PDE4C: variants seen among roughly 807,000 people sequenced by gnomAD.
PDE4C encodes 3',5'-cyclic-AMP phosphodiesterase 4C.
A neutral mutation model predicts 63.9 loss-of-function variants in PDE4C; 50 were observed. The ratio of observed to expected loss-of-function variants is 0.78; its 90% CI spans 0.62 to 0.99. The LOEUF is 0.99. Among genes scored for constraint, PDE4C ranks in the 50% least tolerant of loss-of-function variants. PDE4C has a pLI of 0.00. For synonymous variants in PDE4C, 377 were observed against 385.1 expected, an observed-to-expected ratio of 0.98 and a Z score of 0.25; for missense variants, 777 against 899.1, an observed-to-expected ratio of 0.86 and a Z score of 1.74.
intron 1 of PDE4C, among the ~76,000 whole-genome samples, chr19:18,223,694 G>C (rs1319316508): frequency 6.6e-6 from 1 of 152,222 alleles, no homozygotes; most frequent in African/African-American, 2.4e-5. Context: ...AGAGCTCTTT[G>C]AGGGGGTTAC....
chr19:18,232,772 GA>G (rs1968876471), intron 1 of PDE4C, among the ~76,000 whole-genome samples: 1 of 152,168 alleles, frequency 6.6e-6, no homozygotes, highest in Non-Finnish European at 1.5e-5. Context: ...AAGCCATGAT[GA>G]CACCAGCACC....
upstream of PDE4C, among the ~76,000 whole-genome samples, chr19:18,249,026 A>T (rs12608869): frequency 8.7e-6 from 1 of 114,546 alleles, no homozygotes; most frequent in Middle Eastern, 4.5e-3. Flanking sequence ...ACTCCATCTT[A>T]TTAAAAAAAA....
Position 18,245,512 on chromosome 19 carries a change from CCATCTGCCGGGGA to C in PDE4C, c.-210+2646_-210+2658del, listed in dbSNP as rs1249831382. 2.0e-5 allele frequency among the ~76,000 whole-genome samples: 3 copies of C among 152,148 alleles called. No homozygotes were observed. In the East Asian group the frequency reaches 5.8e-4, roughly 29 times the overall value. On this transcript the variant is annotated intron_variant, in intron 1 of 15. Transcript: ENST00000594617. ...CCTCGGGGCCTTTGCATGTGCTGTG[CCATCTGCCGGGGA>C]CACCCTTCCCCCGGCTGTTAAAATG...
intron 1 of PDE4C, among the ~76,000 whole-genome samples, chr19:18,246,298 C>T (rs974629786): frequency 6.6e-6 from 1 of 151,430 alleles, no homozygotes; most frequent in Admixed American, 6.6e-5. Flanking sequence ...GTCCTCCTAC[C>T]TTAGCCTCCC....
chr19:18,246,393 G>C (rs1388063736), intron 1 of PDE4C, among the ~76,000 whole-genome samples: 1 of 149,484 alleles, frequency 6.7e-6, no homozygotes, highest in Non-Finnish European at 1.5e-5. Flanking sequence ...GTGTTACCCA[G>C]GATGGTCTTG....
At chr19:18,218,181 G>C in exon 11 of PDE4C, 1 of 1,614,202 alleles carries the variant, frequency 6.2e-7, no homozygotes, top group Non-Finnish European at 8.5e-7. Flanking sequence ...GGAGACCCCA[G>C]GATGGTCCAC....
chr19:18,220,657 G>T lies in PDE4C; in HGVS notation c.500-142C>A. The stretch of plus-strand genomic sequence containing the variant: ...ACTCCTGGACCCAAGTTCCAGATCT[G>T]TTCCCCGAGTGCCTGTGTGACCATG... On this transcript the variant is annotated intron_variant, in intron 5 of 14. Coordinates refer to ENST00000262805, the Ensembl canonical transcript of PDE4C. This position sits in a 1 kb window ranked among gnomAD's most constrained non-coding sequence, Gnocchi z 5.1. 1.2e-6 allele frequency: 1 copy of T among 810,898 alleles called. No individual in the cohort carries two copies. Among genetic ancestry groups the T allele is most frequent in the East Asian group, 2.7e-5 (1 of 37,550 alleles). The allele number at this position is 810,898 out of a possible 1,614,324, so 50.2% of individuals were successfully genotyped here. A position where few individuals can be genotyped will look rare whatever the true frequency, so the allele number is the denominator to read the frequency against.
the PDE4C span, among the ~76,000 whole-genome samples, chr19:18,254,927 C>T: frequency 1.1e-4 from 17 of 152,358 alleles, no homozygotes; most frequent in East Asian, 3.3e-3. Context: ...CTAAAAGCAA[C>T]AGATTTGAAA....
At chr19:18,229,229 G>A (rs1249692376), upstream of PDE4C, among the ~76,000 whole-genome samples, 2 of 150,912 alleles carry the variant, frequency 1.3e-5, no homozygotes, top group Non-Finnish European at 2.9e-5. Flanking sequence ...GATTACAGGC[G>A]TGAGCCACTG....
At chr19:18,219,525 G>A (rs925879156) in intron 7 of PDE4C, 128 bp from the exon 8 acceptor site, 8 of 1,096,032 alleles carry the variant, frequency 7.3e-6, no homozygotes, top group South Asian at 4.9e-5. Flanking sequence ...AAGTAAGTTC[G>A]GAGTAAAGAC....
At chr19:18,233,549 G>A (rs1287110374) in exon 1 of PDE4C, 1 of 538,900 alleles carries the variant, frequency 1.9e-6, no homozygotes, top group South Asian at 1.5e-5. Flanking sequence ...GACTTGGAGT[G>A]GAGAAGACAG....
intron 13 of PDE4C, 90 bp downstream of exon 13, chr19:18,213,278 C>A: frequency 3.5e-6 from 4 of 1,147,106 alleles, no homozygotes; most frequent in Non-Finnish European, 4.7e-6. Flanking sequence ...AGTGAGACTC[C>A]GTCTCAATAA....
At chr19:18,231,167 T>G (rs183957337), upstream of PDE4C, among the ~76,000 whole-genome samples, 2 of 152,282 alleles carry the variant, frequency 1.3e-5, no homozygotes, top group Admixed American at 6.5e-5. Context: ...TCGCTGGGCT[T>G]CCCCCTGGGG....
chr19:18,231,854 G>A (rs1441541865), intron 1 of PDE4C, among the ~76,000 whole-genome samples: 1 of 152,010 alleles, frequency 6.6e-6, no homozygotes, highest in African/African-American at 2.4e-5. Flanking sequence ...TTCTGTCTCT[G>A]TCCTAACCCC....
chr19:18,246,472 C>T (rs528530072), intron 1 of PDE4C, among the ~76,000 whole-genome samples: 6 of 152,116 alleles, frequency 3.9e-5, no homozygotes, highest in Non-Finnish European at 7.4e-5. Flanking sequence ...CGTGAGCCAC[C>T]GCGCCCAGAC....
chr19:18,234,068 C>G (rs941049056), upstream of PDE4C: 5 of 153,964 alleles, frequency 3.2e-5, no homozygotes, highest in Non-Finnish European at 7.2e-5. Context: ...GAGGCTACCT[C>G]TGGCCAGAGC....
At chr19:18,250,138 G>A (rs1040762859), upstream of PDE4C, 2 of 398,712 alleles carry the variant, frequency 5.0e-6, no homozygotes, top group Non-Finnish European at 8.8e-6. Flanking sequence ...GCTCACTCCT[G>A]GAGGTGGTGG....
chr19:18,236,096 C>G (rs1301744325), upstream of PDE4C, among the ~76,000 whole-genome samples: 1 of 151,956 alleles, frequency 6.6e-6, no homozygotes, highest in East Asian at 1.9e-4. Flanking sequence ...GCACCCGCCA[C>G]TACGCCTGGC....
intron 1 of PDE4C, among the ~76,000 whole-genome samples, chr19:18,244,152 T>C (rs1295601625): frequency 1.4e-4 from 21 of 152,104 alleles, no homozygotes; most frequent in Admixed American, 1.4e-3. Context: ...ATTACAGGCA[T>C]GAACTGCTGC....
Sources: gnomAD v4.1 joint callset for allele counts (sites outside exome capture counted in the v4.1 genomes callset) on GRCh38, gnomAD v4.1.1 for gene constraint, Gnocchi (gnomAD v3.1) non-coding constraint, MANE v1.5 for transcripts, NCBI Gene and HGNC (gene_info 2026-07-23, HGNC 2026-07-21) for gene names.